The following STX11 variants were observed in gnomAD, a reference collection of about 807,000 sequenced individuals.
STX11 encodes syntaxin-11.
STX11 carries 21 observed loss-of-function variants against 19.9 expected under a neutral mutation model. The observed-to-expected ratio is 1.06, with a 90% confidence interval of 0.75 to 1.52. The LOEUF is 1.52. Ranked by LOEUF, STX11 falls within the 40% of genes most tolerant of loss-of-function variation. STX11 has a pLI of 0.00. For synonymous variants in STX11, 193 were observed against 174.4 expected, an observed-to-expected ratio of 1.11 and a Z score of -0.84; for missense variants, 438 against 405.9, an observed-to-expected ratio of 1.08 and a Z score of -0.68.
At position 144,168,776 on chromosome 6, in the gene STX11, T is replaced by C. The variant is rs530336124; in HGVS notation, c.-5-17847T>C. 5.3e-5 allele frequency among the ~76,000 whole-genome samples: 8 copies of C among 152,356 alleles called. No individual in the cohort carries two copies. In the South Asian group the frequency reaches 1.0e-3, roughly 20 times the overall value. ...TCCTTTTGAAAATCTTCTACACTTA[T>C]GCCTCTCTTCACTGCTGCTAGCATG... On this transcript the variant is annotated intron_variant, in intron 1 of 1. Transcript: ENST00000367568.
Position 144,167,074 on chromosome 6 carries a change from A to G in STX11, c.-6+16371A>G, listed in dbSNP as rs1316341489. On this transcript the variant is annotated intron_variant, in intron 1 of 1. Transcript: ENST00000367568. The surrounding 1 kb of genome is among the most constrained non-coding windows in gnomAD (Gnocchi z 5.0). ...ACAAACTAAATTTCACAGTAACAGG[A>G]TTGGTTCTTCTGAACACTGTCTCTT... Among the ~76,000 whole-genome samples, 1 of 152,170 alleles carries G rather than the reference A, an allele frequency of 6.6e-6. No individual in the cohort carries two copies. Among genetic ancestry groups the G allele is most frequent in the Non-Finnish European group, 1.5e-5 (1 of 68,034 alleles).
chr6:144,161,752 G>A (rs7738670), intron 1 of STX11, among the ~76,000 whole-genome samples: 4,599 of 152,118 alleles, frequency 0.03, 221 homozygotes, highest in African/African-American at 0.1. Flanking sequence ...ATCTAGATAC[G>A]TGCACCCACC....
rs1323303720 is a variant in STX11, at chr6:144,155,946, CTTTCTTTCTTTCTTT to C, written c.-6+5244_-6+5258del. On this transcript the variant is annotated intron_variant, in intron 1 of 1. Coordinates refer to ENST00000367568, the MANE Select transcript of STX11 (RefSeq NM_003764.4). The surrounding 1 kb of genome is among the most constrained non-coding windows in gnomAD (Gnocchi z 4.5). ...AAATGTGTTTTAAAATTTAATCTTTCTTTCTTTCTTTCTTTCTTTCTTTCTTTCTTTCTTTCTTTC... is the reference window on the plus strand; with the variant it reads ...AAATGTGTTTTAAAATTTAATCTTTCCTTTCTTTCTTTCTTTCTTTCTTTC... 0.042 allele frequency among the ~76,000 whole-genome samples: 1,011 copies of C among 23,900 alleles called. 6 individuals are homozygous for C. The highest frequency in any genetic ancestry group is 0.083 in the Middle Eastern group (2 of 24). The allele number at this position is 23,900 out of a possible 152,430, so 15.7% of individuals were successfully genotyped here. A position where few individuals can be genotyped will look rare whatever the true frequency, so the allele number is the denominator to read the frequency against.
chr6:144,161,053 C>T (rs1801322599), intron 1 of STX11, among the ~76,000 whole-genome samples: 1 of 152,124 alleles, frequency 6.6e-6, no homozygotes, highest in Non-Finnish European at 1.5e-5. Context: ...TTGCACTTTT[C>T]ATTTTGTATA....
chr6:144,156,628 G>A (rs1026005172), intron 1 of STX11, among the ~76,000 whole-genome samples: 1 of 152,128 alleles, frequency 6.6e-6, no homozygotes, highest in Admixed American at 6.5e-5. Context: ...CAGGATTGCA[G>A]CAATCTCTTT....
rs1405794685 is a variant in STX11 at position 144,186,772 on chromosome 6, C to A, written c.145C>A (p.Arg49=). Residue 49 remains arginine (R), a synonymous_variant, in exon 2 of 2, where the codon CGG becomes AGG. Transcript: ENST00000367568. Reference sequence around the variant, plus strand: ...CCTGGAGTCCCTGTACCGAGACATCCGGGACATTCAGGATGAAAACCAGCT... The same window carrying A: ...CCTGGAGTCCCTGTACCGAGACATCAGGGACATTCAGGATGAAAACCAGCT... ...HILESLYRDI[R]DIQDENQLLV... is the part of the protein sequence containing the mutation. The A allele has an allele frequency of 6.2e-7, 1 of 1,614,012 alleles. No individual in the cohort carries two copies. The highest frequency in any genetic ancestry group is 8.5e-7 in the Non-Finnish European group (1 of 1,180,010).
chr6:144,141,274 G>A, the STX11 span, among the ~76,000 whole-genome samples: 1 of 151,436 alleles, frequency 6.6e-6, no homozygotes, highest in Non-Finnish European at 1.5e-5. Flanking sequence ...ATACGTTAGA[G>A]CAACCAGTAC....
chr6:144,191,368 G>A lies in STX11; in HGVS notation c.*3877G>A, dbSNP rs1802204545. ...CAGAAGTAATTTTATGGCCTTTTAA[G>A]GTAACAACTTAAAAAGAGAACAGTA... On this transcript the variant is annotated 3_prime_UTR_variant, in exon 2 of 2. Transcript: ENST00000367568. Among the ~76,000 whole-genome samples, 1 of 149,078 alleles carries A rather than the reference G, an allele frequency of 6.7e-6. No homozygotes were observed. The highest frequency in any genetic ancestry group is 2.0e-4 in the East Asian group (1 of 5,092).
Position 144,187,679 on chromosome 6 carries a change from C to T in STX11, c.*188C>T, listed in dbSNP as rs1802098558. The T allele has an allele frequency of 4.1e-6, 3 of 728,548 alleles. No individual in the cohort carries two copies. The highest frequency in any genetic ancestry group is 6.9e-6 in the Non-Finnish European group (3 of 437,448). The allele number at this position is 728,548 out of a possible 1,614,324, so 45.1% of individuals were successfully genotyped here. On this transcript the variant is annotated 3_prime_UTR_variant, in exon 2 of 2. Transcript: ENST00000367568. The surrounding 1 kb of genome is among the most constrained non-coding windows in gnomAD (Gnocchi z 5.6). ...GCTTGGAAAGATGGTTAGTTGATAC[C>T]GTCCGATGATTCTTCAGTAAAGATA...
Position 144,169,330 on chromosome 6 carries a change from A to G in STX11, c.-5-17293A>G, listed in dbSNP as rs945077515. 1.3e-5 allele frequency among the ~76,000 whole-genome samples: 2 copies of G among 152,236 alleles called. No individual in the cohort carries two copies. The highest frequency in any genetic ancestry group is 2.9e-5 in the Non-Finnish European group (2 of 68,046). On this transcript the variant is annotated intron_variant, in intron 1 of 1. Transcript: ENST00000367568. The surrounding 1 kb of genome is among the most constrained non-coding windows in gnomAD (Gnocchi z 5.2). ...TTGTGGAGTCAAATTTTCATCAGCA[A>G]TGACCTTGGCAAATTCATCAATTAA...
intron 1 of STX11, among the ~76,000 whole-genome samples, chr6:144,158,216 G>A (rs754197653): frequency 1.4e-4 from 22 of 152,144 alleles, no homozygotes; most frequent in Non-Finnish European, 2.9e-4. Context: ...GGGAACCGTG[G>A]GACAGCAGAG....
rs1221538911 is a variant in STX11, at chr6:144,165,419, C to A, written c.-6+14716C>A. 2.6e-5 allele frequency among the ~76,000 whole-genome samples: 4 copies of A among 151,560 alleles called. No individual in the cohort carries two copies. Among genetic ancestry groups the A allele is most frequent in the Non-Finnish European group, 4.4e-5 (3 of 67,960 alleles). ...GCGGTGAGCAGAGATCGCGCCATTG[C>A]ACTCCAGCCTGGGCAACAAGAACGA... is the stretch of plus-strand genomic sequence containing the variant. On this transcript the variant is annotated intron_variant, in intron 1 of 1. Transcript: ENST00000367568. This position sits in a 1 kb window ranked among gnomAD's most constrained non-coding sequence, Gnocchi z 5.8.
rs905067713 is a variant in STX11, at chr6:144,154,596, G to C, written c.-6+3893G>C. On this transcript the variant is annotated intron_variant, in intron 1 of 1. Coordinates refer to ENST00000367568, the MANE Select transcript of STX11 (RefSeq NM_003764.4). The surrounding 1 kb of genome is among the most constrained non-coding windows in gnomAD (Gnocchi z 4.7). Reference sequence around the variant, plus strand: ...AGATTTTCCATAGGGAAGCAGAAAGGCTAGCAAGGGAGGCATTAATCTACA... The same window carrying C: ...AGATTTTCCATAGGGAAGCAGAAAGCCTAGCAAGGGAGGCATTAATCTACA... 6.6e-6 allele frequency among the ~76,000 whole-genome samples: 1 copy of C among 152,178 alleles called. No individual in the cohort carries two copies. Among genetic ancestry groups the C allele is most frequent in the Admixed American group, 6.5e-5 (1 of 15,272 alleles).
At position 144,175,958 on chromosome 6, in the gene STX11, C is replaced by A. The variant is rs987522810; in HGVS notation, c.-5-10665C>A. Among the ~76,000 whole-genome samples, 1 of 152,206 alleles carries A rather than the reference C, an allele frequency of 6.6e-6. No individual in the cohort carries two copies. The highest frequency in any genetic ancestry group is 6.5e-5 in the Admixed American group (1 of 15,276). On this transcript the variant is annotated intron_variant, in intron 1 of 1. Coordinates refer to ENST00000367568, the MANE Select transcript of STX11 (RefSeq NM_003764.4). This position sits in a 1 kb window ranked among gnomAD's most constrained non-coding sequence, Gnocchi z 5.1. ...CATTAGCTGGATTTACCCTCCCTGGCCACAGCTGATTTCACCCACCCCACC... is the reference window on the plus strand; with the variant it reads ...CATTAGCTGGATTTACCCTCCCTGGACACAGCTGATTTCACCCACCCCACC...
Position 144,154,231 on chromosome 6 carries a change from G to C in STX11, c.-6+3528G>C, listed in dbSNP as rs112986941. ...AATCAATGAGGTTTTGGACTTTGTG[G>C]TAAGCTCAGGTTGAAGTCACTCTCC... On this transcript the variant is annotated intron_variant, in intron 1 of 1. Coordinates refer to ENST00000367568, the MANE Select transcript of STX11 (RefSeq NM_003764.4). This position sits in a 1 kb window ranked among gnomAD's most constrained non-coding sequence, Gnocchi z 4.7. Among the ~76,000 whole-genome samples the C allele has an allele frequency of 4.4e-4, 67 of 152,282 alleles. No homozygotes were observed. The highest frequency in any genetic ancestry group is 1.5e-3 in the African/African-American group (61 of 41,552).
Position 144,189,921 on chromosome 6 carries a change from A to G in STX11, c.*2430A>G, listed in dbSNP as rs1156504314. On this transcript the variant is annotated 3_prime_UTR_variant, in exon 2 of 2. Transcript: ENST00000367568. ...TTTTATAATAGAGGAGAGATATTGT[A>G]AATAGAGACTGCCAGCCAGTTTCCA... Among the ~76,000 whole-genome samples the G allele has an allele frequency of 6.6e-6, 1 of 152,222 alleles. No individual in the cohort carries two copies. Among genetic ancestry groups the G allele is most frequent in the Non-Finnish European group, 1.5e-5 (1 of 68,032 alleles).
At position 144,169,681 on chromosome 6, in the gene STX11, C is replaced by A. The variant is rs1801577234; in HGVS notation, c.-5-16942C>A. 6.7e-6 allele frequency among the ~76,000 whole-genome samples: 1 copy of A among 148,722 alleles called. No homozygotes were observed. Among genetic ancestry groups the A allele is most frequent in the South Asian group, 2.2e-4 (1 of 4,580 alleles). Reference sequence around the variant, plus strand: ...CCTCCCTCCCTTCCTTCCTTCCTTCCTTCCTTCTTTCTTTCCTTCCTACCT... The same window carrying A: ...CCTCCCTCCCTTCCTTCCTTCCTTCATTCCTTCTTTCTTTCCTTCCTACCT... On this transcript the variant is annotated intron_variant, in intron 1 of 1. Coordinates refer to ENST00000367568, the MANE Select transcript of STX11 (RefSeq NM_003764.4). This position sits in a 1 kb window ranked among gnomAD's most constrained non-coding sequence, Gnocchi z 5.2.
At chr6:144,147,558 A>G (rs1489608651), upstream of STX11, among the ~76,000 whole-genome samples, 2 of 152,130 alleles carry the variant, frequency 1.3e-5, no homozygotes, top group African/African-American at 4.8e-5. The surrounding 1 kb of genome is among the most constrained non-coding windows in gnomAD (Gnocchi z 4.2). Context: ...TTCTGTCTGC[A>G]CACCATCTAT....
In STX11 at chr6:144,167,937, A is replaced by G. The variant is rs1325798331; in HGVS notation, c.-6+17234A>G. Among the ~76,000 whole-genome samples, 2 of 152,162 alleles carry G rather than the reference A, an allele frequency of 1.3e-5. No homozygotes were observed. The highest frequency in any genetic ancestry group is 2.9e-5 in the Non-Finnish European group (2 of 68,034). ...TGCCTCACTACAGTCATGTTCTTAG[A>G]CTTATTCACACATAAGTACTTATGG... On this transcript the variant is annotated intron_variant, in intron 1 of 1. Coordinates refer to ENST00000367568, the MANE Select transcript of STX11 (RefSeq NM_003764.4). This position sits in a 1 kb window ranked among gnomAD's most constrained non-coding sequence, Gnocchi z 5.0.
Sources: gnomAD v4.1 joint callset for allele counts (sites outside exome capture counted in the v4.1 genomes callset) on GRCh38, gnomAD v4.1.1 for gene constraint, Gnocchi (gnomAD v3.1) non-coding constraint, MANE v1.5 for transcripts, NCBI Gene and HGNC (gene_info 2026-07-23, HGNC 2026-07-21) for gene names.